DCLK1: variants seen among roughly 807,000 people sequenced by gnomAD.
The protein encoded by DCLK1 is doublecortin like kinase 1.
In DCLK1, 16 loss-of-function variants were observed where a neutral mutation model predicts 86.2. That is an observed-to-expected ratio of 0.19 (90% CI 0.13 to 0.28). DCLK1 has a LOEUF of 0.28. DCLK1 is among the 10% of genes least tolerant of loss of function. The pLI is 1.00. For missense variants in DCLK1, 590 were observed against 940.2 expected (o/e 0.63, Z 4.87); for synonymous variants, 369 against 370.5 (o/e 1.00, Z 0.05).
At chr13:35,817,721 A>T (rs889407900) in intron 11 of DCLK1, among the ~76,000 whole-genome samples, 2 of 152,150 alleles carry the variant, frequency 1.3e-5, no homozygotes, top group Admixed American at 6.6e-5. Context: ...TACCATGGTA[A>T]GCCACACCAA....
intron 3 of DCLK1, among the ~76,000 whole-genome samples, chr13:36,045,027 T>C (rs1413294091): frequency 1.3e-5 from 2 of 151,684 alleles, no homozygotes; most frequent in Non-Finnish European, 2.9e-5. Flanking sequence ...AAAATCAAAC[T>C]GACCTCAGAA....
intron 15 of DCLK1, among the ~76,000 whole-genome samples, chr13:35,798,206 T>C (rs2086850304): frequency 6.6e-6 from 1 of 152,190 alleles, no homozygotes; most frequent in African/African-American, 2.4e-5. Flanking sequence ...TAGGGGTTAC[T>C]GGGGAAGAGC....
chr13:36,074,343 A>C (rs1009896788), intron 3 of DCLK1, among the ~76,000 whole-genome samples: 1 of 151,952 alleles, frequency 6.6e-6, no homozygotes, highest in African/African-American at 2.4e-5. Context: ...TCTACTAAAA[A>C]TACAAAAAAT....
rs937474651 is a variant in DCLK1, at chr13:35,823,310, A to G, written c.1408-435T>C. Among the ~76,000 whole-genome samples, 6 of 151,934 alleles carry G rather than the reference A, an allele frequency of 3.9e-5. No homozygotes were observed. In the South Asian group the frequency reaches 1.0e-3, roughly 26 times the overall value. On this transcript the variant is annotated intron_variant, in intron 10 of 16. Transcript: ENST00000360631. ...CAGTGAGGAACAGGTAATACTGCAA[A>G]CTGCACACTGAAAATGTTCTACTGC...
rs140753207 is a variant in DCLK1 at position 35,816,216 on chromosome 13, A to G, written c.1555-5248T>C. Among the ~76,000 whole-genome samples, 93 of 152,330 alleles carry G rather than the reference A, an allele frequency of 6.1e-4. 2 individuals carry two copies. The East Asian group carries it at 0.017, about 28-fold the overall frequency. On this transcript the variant is annotated intron_variant, in intron 11 of 16. Coordinates refer to ENST00000360631, the MANE Select transcript of DCLK1 (RefSeq NM_001330071.2). ...ATTTCTGTCACACAATTATTATCCA[A>G]TATGTCATAGTAGGAAAATGATCAC...
At chr13:36,068,772 A>C (rs1157427052) in intron 3 of DCLK1, among the ~76,000 whole-genome samples, 2 of 152,196 alleles carry the variant, frequency 1.3e-5, no homozygotes, top group Non-Finnish European at 2.9e-5. Context: ...TCCATAATTC[A>C]TCTCACTAGT....
chr13:35,958,064 TAGCACC>T (rs1878137963), intron 3 of DCLK1, among the ~76,000 whole-genome samples: 1 of 6,496 alleles, frequency 1.5e-4, no homozygotes. Flanking sequence ...CTATAACCAC[TAGCACC>T]ACCACCACTA....
rs191473774 is a variant in DCLK1, at chr13:35,814,518, C to G, written c.1555-3550G>C. Among the ~76,000 whole-genome samples the G allele has an allele frequency of 4.2e-3, 637 of 152,328 alleles. 3 individuals carry two copies. The highest frequency in any genetic ancestry group is 6.1e-3 in the Non-Finnish European group (414 of 68,026). On this transcript the variant is annotated intron_variant, in intron 11 of 16. Transcript: ENST00000360631. ...AGCAGGCTGCAAGCGCAGGCTTGGACAGGCTGGTCCAGCTAGTGGAGCTGT... is the reference window on the plus strand; with the variant it reads ...AGCAGGCTGCAAGCGCAGGCTTGGAGAGGCTGGTCCAGCTAGTGGAGCTGT...
At chr13:36,016,237 T>C (rs541020182) in intron 3 of DCLK1, among the ~76,000 whole-genome samples, 10 of 152,306 alleles carry the variant, frequency 6.6e-5, no homozygotes, top group Admixed American at 3.9e-4. Context: ...ATGCTTACTC[T>C]ACAGAATAGG....
chr13:35,815,311 T>C (rs893354610), intron 11 of DCLK1, among the ~76,000 whole-genome samples: 2 of 152,148 alleles, frequency 1.3e-5, no homozygotes, highest in Non-Finnish European at 2.9e-5. Flanking sequence ...CTGGTGGCCA[T>C]AAAATAATAT....
intron 3 of DCLK1, among the ~76,000 whole-genome samples, chr13:36,024,203 C>A (rs951513927): frequency 6.6e-6 from 1 of 152,026 alleles, no homozygotes; most frequent in Non-Finnish European, 1.5e-5. Flanking sequence ...CTGCTCTCCT[C>A]ATTTCTATTC....
Position 35,810,490 on chromosome 13 carries a change from C to T in DCLK1, c.1688+345G>A, listed in dbSNP as rs1593613644. On this transcript the variant is annotated intron_variant, in intron 12 of 16. Coordinates refer to ENST00000360631, the MANE Select transcript of DCLK1 (RefSeq NM_001330071.2). Reference sequence around the variant, plus strand: ...TGCAGGAGACTGTAATCACCGCACACGGCAGTGTCTGTTTCTTTTATCTCC... The same window carrying T: ...TGCAGGAGACTGTAATCACCGCACATGGCAGTGTCTGTTTCTTTTATCTCC... Among the ~76,000 whole-genome samples the T allele has an allele frequency of 2.6e-5, 4 of 152,218 alleles. No homozygotes were observed. In the South Asian group the frequency reaches 8.3e-4, roughly 31 times the overall value.
intron 4 of DCLK1, among the ~76,000 whole-genome samples, chr13:35,895,774 C>T (rs1181652669): frequency 6.6e-6 from 1 of 151,742 alleles, no homozygotes; most frequent in Admixed American, 6.6e-5. Context: ...CAGTAATTGC[C>T]TATACTCTAT....
intron 4 of DCLK1, among the ~76,000 whole-genome samples, chr13:35,879,633 G>A (rs938468483): frequency 6.6e-6 from 1 of 152,176 alleles, no homozygotes; most frequent in Admixed American, 6.5e-5. Context: ...AAACCTGAGT[G>A]TTCTCATCCA....
chr13:35,810,988 C>G lies in DCLK1; in HGVS notation c.1555-20G>C. The G allele has an allele frequency of 6.2e-7, 1 of 1,612,762 alleles. No individual in the cohort carries two copies. The highest frequency in any genetic ancestry group is 8.5e-7 in the Non-Finnish European group (1 of 1,179,606). ...ATACACCTAAAACAAAGGTAAAAAT[C>G]ACAATTGTCTGAAAACCAAGAGCTC... On this transcript the variant is annotated intron_variant, in intron 11 of 16. Coordinates refer to ENST00000360631, the MANE Select transcript of DCLK1 (RefSeq NM_001330071.2).
chr13:36,119,241 G>A (rs191335731), intron 2 of DCLK1, among the ~76,000 whole-genome samples: 2 of 152,292 alleles, frequency 1.3e-5, no homozygotes, highest in African/African-American at 2.4e-5. Flanking sequence ...AGGAGTAATA[G>A]GCCTTAAAAG....
chr13:35,908,247 C>T (rs1874795052), intron 4 of DCLK1, among the ~76,000 whole-genome samples: 1 of 141,012 alleles, frequency 7.1e-6, no homozygotes, highest in African/African-American at 2.7e-5. Flanking sequence ...AGATCTATGA[C>T]ATTTTGAATA....
chr13:35,982,433 G>GGGA (rs1566631734), intron 3 of DCLK1, among the ~76,000 whole-genome samples: 306 of 21,702 alleles, frequency 0.014, 65 homozygotes, highest in African/African-American at 0.022. Context: ...AGAGAGAGAG[G>GGGA]GGGAGGGAGG....
chr13:35,921,263 G>C (rs1009116197), intron 4 of DCLK1, among the ~76,000 whole-genome samples: 2 of 151,934 alleles, frequency 1.3e-5, no homozygotes, highest in African/African-American at 4.8e-5. Flanking sequence ...TTCTACTCTA[G>C]CCACCTGGAT....
Sources: allele counts gnomAD v4.1 joint callset (sites outside exome capture counted in the v4.1 genomes callset), GRCh38; gene constraint gnomAD v4.1.1; transcripts MANE v1.5; gene names NCBI Gene and HGNC (gene_info 2026-07-23, HGNC 2026-07-21).